ARHGAP24: variants seen among roughly 807,000 people sequenced by gnomAD.
ARHGAP24 encodes rho GTPase-activating protein 24.
In ARHGAP24, 50 loss-of-function variants were observed where a neutral mutation model predicts 76.4. The ratio of observed to expected loss-of-function variants is 0.65; its 90% CI spans 0.52 to 0.83. The LOEUF is 0.83. Among genes scored for constraint, ARHGAP24 ranks in the 40% least tolerant of loss-of-function variants. The pLI, the probability that ARHGAP24 is intolerant of heterozygous loss-of-function variation, is 0.00. For synonymous variants in ARHGAP24, 345 were observed against 323.3 expected (o/e 1.07, Z -0.72); for missense variants, 930 against 914.2 (o/e 1.02, Z -0.22).
At position 85,994,894 on chromosome 4, in the gene ARHGAP24, A is replaced by G. The variant is rs1161531361; in HGVS notation, c.1240A>G (p.Arg414Gly). 14 of 1,614,026 alleles carry G rather than the reference A, an allele frequency of 8.7e-6. No individual in the cohort carries two copies. Among genetic ancestry groups the G allele is most frequent in the Non-Finnish European group, 1.2e-5 (14 of 1,180,034 alleles). ...KNSVHKLDVS[R>G]SPPLMVKKNP... is the part of the protein sequence containing the mutation. Reference sequence around the variant, plus strand: ...CAGTGTTCACAAGCTAGATGTGTCTAGAAGCCCCCCTCTCATGGTCAAAAA... The same window carrying G: ...CAGTGTTCACAAGCTAGATGTGTCTGGAAGCCCCCCTCTCATGGTCAAAAA... The change falls in exon 9 of 10, where the codon AGA (arginine) becomes GGA (glycine). Residue 414 changes from arginine (R) to glycine (G), a missense_variant. Coordinates refer to ENST00000395184, the MANE Select transcript of ARHGAP24 (RefSeq NM_001025616.3).
At chr4:85,934,601 G>A (rs781050669) in intron 4 of ARHGAP24, among the ~76,000 whole-genome samples, 2 of 152,096 alleles carry the variant, frequency 1.3e-5, no homozygotes, top group African/African-American at 4.8e-5. Flanking sequence ...TGCAACCTCC[G>A]CCTCCCGGGT....
intron 3 of ARHGAP24, among the ~76,000 whole-genome samples, chr4:85,817,355 GC>G (rs1729284616): frequency 6.6e-6 from 1 of 152,104 alleles, no homozygotes; most frequent in Non-Finnish European, 1.5e-5. Context: ...ATGTCAAAAT[GC>G]TTTTTTCACA....
chr4:85,499,791 A>C (rs919181945), intron 1 of ARHGAP24, among the ~76,000 whole-genome samples: 1 of 152,230 alleles, frequency 6.6e-6, no homozygotes, highest in African/African-American at 2.4e-5. Flanking sequence ...GGCACAGCTA[A>C]TGATCATATG....
chr4:85,914,297 C>G (rs1735247698), intron 3 of ARHGAP24, among the ~76,000 whole-genome samples: 1 of 152,092 alleles, frequency 6.6e-6, no homozygotes, highest in Non-Finnish European at 1.5e-5. Context: ...CCTGCTATAG[C>G]GAATTATCTT....
At position 85,681,335 on chromosome 4, in the gene ARHGAP24, G is replaced by A. The variant is rs144274385; in HGVS notation, c.181-40550G>A. ...AGAGACTTCTGGTTTTGTTTCAGAT[G>A]CCAGTAATTTTTCTCCTTGTTCCTT... On this transcript the variant is annotated intron_variant, in intron 2 of 9. Coordinates refer to ENST00000395184, the MANE Select transcript of ARHGAP24 (RefSeq NM_001025616.3). 2.8e-3 allele frequency among the ~76,000 whole-genome samples: 426 copies of A among 152,260 alleles called. 1 individual carries two copies. Among genetic ancestry groups the A allele is most frequent in the Non-Finnish European group, 4.4e-3 (300 of 68,020 alleles).
intron 2 of ARHGAP24, among the ~76,000 whole-genome samples, chr4:85,615,196 G>A (rs1049381490): frequency 6.6e-6 from 1 of 151,984 alleles, no homozygotes; most frequent in African/African-American, 2.4e-5. Flanking sequence ...GAACACACAA[G>A]ATTTTGTGCA....
intron 3 of ARHGAP24, among the ~76,000 whole-genome samples, chr4:85,868,406 A>G (rs1732330927): frequency 6.6e-6 from 1 of 152,162 alleles, no homozygotes; most frequent in Admixed American, 6.6e-5. Flanking sequence ...AGAATCAGGA[A>G]AAGATCTGGC....
chr4:85,518,796 T>G (rs1463080860), intron 1 of ARHGAP24, among the ~76,000 whole-genome samples: 1 of 152,220 alleles, frequency 6.6e-6, no homozygotes, highest in African/African-American at 2.4e-5. Context: ...TTCCACAATT[T>G]TGCTATTGTG....
At chr4:85,923,857 C>G in intron 4 of ARHGAP24, 87 bp downstream of exon 4, 1 of 1,573,648 alleles carries the variant, frequency 6.4e-7, no homozygotes, top group Non-Finnish European at 8.7e-7. Flanking sequence ...CTATTAGCTC[C>G]TGTATTCAAG....
intron 3 of ARHGAP24, among the ~76,000 whole-genome samples, chr4:85,810,848 TTAA>T (rs2110112712): frequency 6.6e-6 from 1 of 152,348 alleles, no homozygotes; most frequent in South Asian, 2.1e-4. Flanking sequence ...AAACAATTTA[TTAA>T]TGTTATTAAT....
chr4:85,797,606 A>G (rs1728417907), intron 3 of ARHGAP24, among the ~76,000 whole-genome samples: 1 of 152,208 alleles, frequency 6.6e-6, no homozygotes, highest in Non-Finnish European at 1.5e-5. Context: ...ATTTCTCAGC[A>G]TTGCTTTCTT....
intron 2 of ARHGAP24, among the ~76,000 whole-genome samples, chr4:85,674,171 A>G (rs113184822): frequency 0.022 from 3,278 of 152,222 alleles, 127 homozygotes; most frequent in African/African-American, 0.074. Flanking sequence ...GTGGGGCCCA[A>G]TAATTTTCGT....
At position 86,002,497 on chromosome 4, in the gene ARHGAP24, T is replaced by G. The variant is rs761022500; in HGVS notation, c.*1775T>G. ...TATTTCCAGTCCTTATCATAGTTGA[T>G]AAAAACCTCAGACTCATCCAGAAAG... On this transcript the variant is annotated 3_prime_UTR_variant, in exon 10 of 10. Transcript: ENST00000395184. The G allele has an allele frequency of 6.6e-6, 1 of 152,072 alleles. No individual in the cohort carries two copies. Among genetic ancestry groups the G allele is most frequent in the Non-Finnish European group, 1.5e-5 (1 of 68,004 alleles). The allele number at this position is 152,072 out of a possible 1,614,324, so 9.4% of individuals were successfully genotyped here.
intron 4 of ARHGAP24, among the ~76,000 whole-genome samples, chr4:85,939,365 A>C (rs1214042216): frequency 6.6e-6 from 1 of 152,226 alleles, no homozygotes; most frequent in Non-Finnish European, 1.5e-5. Flanking sequence ...GAATAAGCAA[A>C]GATTTTAAAG....
At chr4:85,984,659 GAT>G (rs1739875998) in intron 8 of ARHGAP24, among the ~76,000 whole-genome samples, 1 of 152,182 alleles carries the variant, frequency 6.6e-6, no homozygotes, top group Non-Finnish European at 1.5e-5. Flanking sequence ...TAAGGTCAAT[GAT>G]GTCGGGGCAT....
chr4:85,898,746 TA>T (rs1014285947), intron 3 of ARHGAP24, among the ~76,000 whole-genome samples: 12 of 152,264 alleles, frequency 7.9e-5, no homozygotes, highest in African/African-American at 2.6e-4. Flanking sequence ...GTGCATACAT[TA>T]TTTTTTTTTC....
chr4:85,779,364 T>C (rs1727435188), intron 3 of ARHGAP24, among the ~76,000 whole-genome samples: 1 of 152,156 alleles, frequency 6.6e-6, no homozygotes, highest in African/African-American at 2.4e-5. Flanking sequence ...ATCTTCAACT[T>C]GAAATATAGA....
intron 3 of ARHGAP24, among the ~76,000 whole-genome samples, chr4:85,831,938 C>T (rs1224762817): frequency 6.7e-6 from 1 of 150,334 alleles, no homozygotes; most frequent in African/African-American, 2.4e-5. Flanking sequence ...CCTTTTCCTG[C>T]TAAGTCTGTG....
rs1420667712 is a variant in ARHGAP24 at position 85,559,242 on chromosome 4, A to G, written c.-20-11280A>G. Among the ~76,000 whole-genome samples the G allele has an allele frequency of 2.6e-5, 4 of 152,200 alleles. No individual in the cohort carries two copies. In the South Asian group the frequency reaches 6.2e-4, roughly 24 times the overall value. On this transcript the variant is annotated intron_variant, in intron 1 of 9. Coordinates refer to ENST00000395184, the MANE Select transcript of ARHGAP24 (RefSeq NM_001025616.3). ...TATAATCCTATTACTTTTCAGATTT[A>G]GGTGTGGAAAACCTCTTAAAAATTA...
Sources: gnomAD v4.1 joint callset for allele counts (sites outside exome capture counted in the v4.1 genomes callset) on GRCh38, gnomAD v4.1.1 for gene constraint, MANE v1.5 for transcripts, NCBI Gene and HGNC (gene_info 2026-07-23, HGNC 2026-07-21) for gene names.